Variants in GALNT13 observed in about 807,000 individuals in gnomAD.
The protein encoded by GALNT13 is polypeptide N-acetylgalactosaminyltransferase 13, also known as UDP-GalNAc:polypeptide N-acetylgalactosaminyltransferase 13.
In GALNT13, 28 loss-of-function variants were observed where a neutral mutation model predicts 64.2. The ratio of observed to expected loss-of-function variants is 0.44; its 90% CI spans 0.32 to 0.60. The LOEUF is 0.60. GALNT13 is among the 20% of genes least tolerant of loss of function. The pLI, the probability that GALNT13 is intolerant of heterozygous loss-of-function variation, is 0.05. For synonymous variants in GALNT13, 214 were observed against 224.6 expected (o/e 0.95, Z 0.42); for missense variants, 577 against 669.8 (o/e 0.86, Z 1.53).
At chr2:153,568,859 TAG>T in the GALNT13 span, among the ~76,000 whole-genome samples, 5 of 152,236 alleles carry the variant, frequency 3.3e-5, no homozygotes, top group African/African-American at 7.2e-5. Flanking sequence ...GAAATATATG[TAG>T]ATATGTGTGA....
At chr2:154,417,692 A>G (rs946132375) in intron 11 of GALNT13, among the ~76,000 whole-genome samples, 4 of 151,522 alleles carry the variant, frequency 2.6e-5, no homozygotes, top group Admixed American at 6.6e-5. Context: ...TTGTATTTTT[A>G]GTAGAGACAG....
the GALNT13 span, among the ~76,000 whole-genome samples, chr2:153,599,197 T>C: frequency 6.6e-6 from 1 of 152,068 alleles, no homozygotes; most frequent in Non-Finnish European, 1.5e-5. Flanking sequence ...CTAATTGGGA[T>C]ATCCATTATC....
the GALNT13 span, among the ~76,000 whole-genome samples, chr2:153,658,861 C>T: frequency 6.6e-6 from 1 of 151,452 alleles, no homozygotes; most frequent in Non-Finnish European, 1.5e-5. Flanking sequence ...TTTGCTGAAA[C>T]AAGTTTTAAA....
chr2:153,841,588 C>T, the GALNT13 span, among the ~76,000 whole-genome samples: 1 of 151,978 alleles, frequency 6.6e-6, no homozygotes, highest in Non-Finnish European at 1.5e-5. Flanking sequence ...GTGGTCAAAC[C>T]AGGATTTGAG....
the GALNT13 span, among the ~76,000 whole-genome samples, chr2:153,570,625 G>T: frequency 2.0e-5 from 3 of 152,178 alleles, no homozygotes; most frequent in East Asian, 5.8e-4. Context: ...ATTTTGATTT[G>T]ATTTTTGAAT....
At chr2:154,087,386 T>C (rs754011292) in intron 3 of GALNT13, among the ~76,000 whole-genome samples, 15 of 152,216 alleles carry the variant, frequency 9.9e-5, no homozygotes, top group Non-Finnish European at 1.6e-4. Flanking sequence ...TAGCACTTAT[T>C]ATATCTTGAT....
chr2:153,376,622 A>G, the GALNT13 span, among the ~76,000 whole-genome samples: 1 of 152,172 alleles, frequency 6.6e-6, no homozygotes, highest in Admixed American at 6.5e-5. Context: ...CAGAAAAAAG[A>G]AAGGAAAGCA....
intron 2 of GALNT13, among the ~76,000 whole-genome samples, chr2:153,939,441 T>C (rs1283006387): frequency 1.3e-5 from 2 of 152,204 alleles, no homozygotes; most frequent in African/African-American, 2.4e-5. Flanking sequence ...AAGTTGATGA[T>C]ATCAGGGAAT....
the GALNT13 span, among the ~76,000 whole-genome samples, chr2:153,738,537 T>C: frequency 6.6e-6 from 1 of 152,122 alleles, no homozygotes; most frequent in Admixed American, 6.5e-5. Context: ...CAATAGACAA[T>C]GAGCTTTTTG....
the GALNT13 span, among the ~76,000 whole-genome samples, chr2:153,793,044 T>C: frequency 2.7e-5 from 4 of 149,264 alleles, no homozygotes; most frequent in Admixed American, 1.3e-4. Flanking sequence ...CGATCTCAGC[T>C]CACTGCAATC....
chr2:153,998,400 T>C (rs1480570021), intron 3 of GALNT13, among the ~76,000 whole-genome samples: 1 of 152,236 alleles, frequency 6.6e-6, no homozygotes, highest in Non-Finnish European at 1.5e-5. Flanking sequence ...CCAGTGATAA[T>C]GAGCTTTTTT....
chr2:153,721,629 A>G, the GALNT13 span, among the ~76,000 whole-genome samples: 1 of 150,426 alleles, frequency 6.6e-6, no homozygotes, highest in Non-Finnish European at 1.5e-5. Flanking sequence ...TACCAAGCCA[A>G]TGGAAAACAA....
At chr2:153,551,297 G>C in the GALNT13 span, among the ~76,000 whole-genome samples, 1 of 152,202 alleles carries the variant, frequency 6.6e-6, no homozygotes, top group Non-Finnish European at 1.5e-5. Context: ...CAGAGGATCT[G>C]GATGGGGTAT....
Position 154,172,537 on chromosome 2 carries a change from G to A in GALNT13, c.311+32032G>A, listed in dbSNP as rs1018233726. Among the ~76,000 whole-genome samples the A allele has an allele frequency of 4.6e-5, 7 of 151,894 alleles. No individual in the cohort carries two copies. In the East Asian group the frequency reaches 7.7e-4, roughly 17 times the overall value. On this transcript the variant is annotated intron_variant, in intron 4 of 12. Coordinates refer to ENST00000392825, the MANE Select transcript of GALNT13 (RefSeq NM_052917.4). ...AGCTCCTACTCATGAGTGAGAACAC[G>A]TAGTATTTATTTTTTTGTTCTTGGC...
chr2:153,410,417 A>G, the GALNT13 span, among the ~76,000 whole-genome samples: 3 of 152,182 alleles, frequency 2.0e-5, no homozygotes, highest in African/African-American at 7.2e-5. Context: ...TGAACCTAGA[A>G]TTCTATACCA....
chr2:153,632,450 A>G, the GALNT13 span, among the ~76,000 whole-genome samples: 2 of 152,080 alleles, frequency 1.3e-5, no homozygotes, highest in African/African-American at 4.8e-5. Flanking sequence ...TCATGTATTC[A>G]TCCATCATTG....
At chr2:154,401,163 T>C (rs1699284140) in intron 10 of GALNT13, among the ~76,000 whole-genome samples, 1 of 152,160 alleles carries the variant, frequency 6.6e-6, no homozygotes, top group Non-Finnish European at 1.5e-5. Context: ...CTTGCCTATA[T>C]TGGTATTGTA....
chr2:153,613,952 G>A, the GALNT13 span, among the ~76,000 whole-genome samples: 5 of 151,844 alleles, frequency 3.3e-5, no homozygotes, highest in Non-Finnish European at 5.9e-5. Flanking sequence ...CATGGCACAC[G>A]TATACATATG....
chr2:153,568,244 CAG>C, the GALNT13 span, among the ~76,000 whole-genome samples: 1 of 151,984 alleles, frequency 6.6e-6, no homozygotes, highest in Non-Finnish European at 1.5e-5. Flanking sequence ...TTTTTTGAGA[CAG>C]GGTCTCTGGC....
Sources: gnomAD v4.1 joint callset for allele counts (sites outside exome capture counted in the v4.1 genomes callset) on GRCh38, gnomAD v4.1.1 for gene constraint, MANE v1.5 for transcripts, NCBI Gene and HGNC (gene_info 2026-07-23, HGNC 2026-07-21) for gene names.